The following WNK3 variants were observed in gnomAD, a reference collection of about 807,000 sequenced individuals.
WNK3 encodes WNK lysine deficient protein kinase 3.
Under a neutral mutation model 116.7 loss-of-function variants are expected in WNK3, and 18 were observed. The ratio of observed to expected loss-of-function variants is 0.15; its 90% confidence interval spans 0.11 to 0.23. WNK3 has a LOEUF of 0.23. Ranked by LOEUF, WNK3 falls within the 10% of genes least tolerant of loss-of-function variation. The pLI is 1.00. For synonymous variants in WNK3, 404 were observed against 469.4 expected (o/e 0.86, Z 1.80); for missense variants, 993 against 1,323.8 (o/e 0.75, Z 3.88).
intron 1 of WNK3, among the ~76,000 whole-genome samples, chrX:54,357,371 A>G (rs1557179548): frequency 9.0e-6 from 1 of 110,537 alleles, no homozygotes; most frequent in Admixed American, 9.7e-5. Flanking sequence ...AAAAAAGAAA[A>G]CAAAACAAAA....
chrX:54,263,931 C>T (rs1023074453), intron 10 of WNK3, among the ~76,000 whole-genome samples: 1 of 109,054 alleles, frequency 9.2e-6, no homozygotes, highest in Non-Finnish European at 1.9e-5. Context: ...CTCTGTTGCC[C>T]AGACTGGAGT....
intron 1 of WNK3, among the ~76,000 whole-genome samples, chrX:54,345,020 CG>C (rs1470697269): frequency 1.9e-5 from 2 of 106,330 alleles, no homozygotes; most frequent in Admixed American, 1.0e-4. Context: ...GAGGCCGAGG[CG>C]GGCGGATCAC....
intron 10 of WNK3, among the ~76,000 whole-genome samples, chrX:54,268,663 T>A (rs1434898764): frequency 1.8e-5 from 2 of 111,266 alleles, no homozygotes; most frequent in African/African-American, 6.5e-5. Flanking sequence ...TGGGAAAATG[T>A]CAAAAGGACA....
intron 11 of WNK3, among the ~76,000 whole-genome samples, chrX:54,257,252 C>T (rs782108206): frequency 9.0e-6 from 1 of 110,581 alleles, no homozygotes; most frequent in Non-Finnish European, 1.9e-5. Context: ...TGTCCTTCCC[C>T]AGTGCCGCTG....
At chrX:54,227,373 A>G (rs924853029) in intron 22 of WNK3, among the ~76,000 whole-genome samples, 1 of 111,939 alleles carries the variant, frequency 8.9e-6, no homozygotes, top group Non-Finnish European at 1.9e-5. Context: ...AGTCATTCAT[A>G]TATCTTCTTT....
At chrX:54,271,348 T>C (rs2068382090) in intron 10 of WNK3, among the ~76,000 whole-genome samples, 1 of 112,185 alleles carries the variant, frequency 8.9e-6, no homozygotes, top group East Asian at 2.8e-4. Flanking sequence ...ACTGATTTTT[T>C]TTTAATGCCT....
intron 22 of WNK3, among the ~76,000 whole-genome samples, chrX:54,222,443 C>T (rs142371938): frequency 0.014 from 1,460 of 106,765 alleles, 17 homozygotes; most frequent in African/African-American, 0.048. Flanking sequence ...CCTATGGTCC[C>T]GGCTACTCAG....
intron 2 of WNK3, among the ~76,000 whole-genome samples, chrX:54,324,871 T>C (rs1557172955): frequency 1.8e-5 from 2 of 112,703 alleles, no homozygotes; most frequent in African/African-American, 6.4e-5. Context: ...TAAATTACTT[T>C]TTCCTTTATT....
At chrX:54,271,873 C>T (rs1476949284) in intron 10 of WNK3, among the ~76,000 whole-genome samples, 2 of 111,774 alleles carry the variant, frequency 1.8e-5, no homozygotes, top group Non-Finnish European at 3.8e-5. Context: ...AGTATTCTAA[C>T]TGATTTACAT....
chrX:54,293,593 T>C (rs887641550), intron 8 of WNK3, among the ~76,000 whole-genome samples: 5 of 112,000 alleles, frequency 4.5e-5, no homozygotes, highest in African/African-American at 1.6e-4. Flanking sequence ...ATCAACTCCA[T>C]TTGCTGGCCA....
intron 2 of WNK3, among the ~76,000 whole-genome samples, chrX:54,320,390 C>T (rs113459904): frequency 0.025 from 2,812 of 111,733 alleles, 94 homozygotes; most frequent in African/African-American, 0.088. Context: ...GATCTGTTTC[C>T]GCAAATGTGA....
At chrX:54,347,363 A>G (rs1016869316) in intron 1 of WNK3, among the ~76,000 whole-genome samples, 3 of 111,479 alleles carry the variant, frequency 2.7e-5, no homozygotes, top group Non-Finnish European at 5.7e-5. Context: ...GCATGTGCCT[A>G]TGATCCCAGC....
At chrX:54,242,152 T>C (rs139846663) in intron 17 of WNK3, among the ~76,000 whole-genome samples, 2,236 of 111,299 alleles carry the variant, frequency 0.02, 58 homozygotes, top group African/African-American at 0.07. Context: ...TTTTATATAC[T>C]AGCAATGAAG....
chrX:54,216,354 G>A (rs1280040157), intron 22 of WNK3, among the ~76,000 whole-genome samples: 1 of 107,639 alleles, frequency 9.3e-6, no homozygotes, highest in Non-Finnish European at 1.9e-5. Context: ...CCCAAGTGTG[G>A]TGGAGATTTG....
At position 54,319,974 on chromosome X, in the gene WNK3, T is replaced by A. The variant is rs782199050; in HGVS notation, c.538-8683A>T. 2.7e-5 allele frequency among the ~76,000 whole-genome samples: 3 copies of A among 111,830 alleles called. No homozygotes were observed. In the East Asian group the frequency reaches 8.4e-4, roughly 31 times the overall value. ...GGAAAATTCTGGTCTATGAAAATGATCCCTAAATCTTGCTGTCTCAAGGTA... is the reference window on the plus strand; with the variant it reads ...GGAAAATTCTGGTCTATGAAAATGAACCCTAAATCTTGCTGTCTCAAGGTA... On this transcript the variant is annotated intron_variant, in intron 2 of 23. Transcript: ENST00000354646.
intron 2 of WNK3, among the ~76,000 whole-genome samples, chrX:54,318,252 C>T (rs1341254746): frequency 1.9e-5 from 2 of 107,603 alleles, no homozygotes; most frequent in Non-Finnish European, 3.8e-5. Context: ...CCCAGCAACT[C>T]GGGAGGCTGA....
intron 18 of WNK3, 116 bp downstream of exon 18, chrX:54,238,752 G>T: frequency 1.7e-6 from 1 of 593,152 alleles, no homozygotes. Flanking sequence ...AATGGGACAT[G>T]TCACATACAT....
At chrX:54,278,796 C>A (rs1321331066) in intron 10 of WNK3, among the ~76,000 whole-genome samples, 1 of 111,859 alleles carries the variant, frequency 8.9e-6, no homozygotes, top group Non-Finnish European at 1.9e-5. Flanking sequence ...ATAGGCCGGG[C>A]GTGGTGGTTC....
intron 2 of WNK3, among the ~76,000 whole-genome samples, chrX:54,329,633 C>G (rs1401380269): frequency 1.9e-5 from 2 of 105,145 alleles, no homozygotes; most frequent in African/African-American, 6.9e-5. Context: ...GGCAACAGAG[C>G]AAGACTCTGT....
Sources: gnomAD v4.1 joint callset for allele counts (sites outside exome capture counted in the v4.1 genomes callset) on GRCh38, gnomAD v4.1.1 for gene constraint, MANE v1.5 for transcripts, NCBI Gene and HGNC (gene_info 2026-07-23, HGNC 2026-07-21) for gene names.